Variants in AGMO observed in about 807,000 individuals in gnomAD.
AGMO encodes the protein glyceryl-ether monooxygenase.
AGMO carries 75 observed loss-of-function variants against 60.2 expected under a neutral mutation model. That is an observed-to-expected ratio of 1.25 (90% CI 1.03 to 1.51). The LOEUF is 1.51. Among genes scored for constraint, AGMO ranks in the 40% most tolerant of loss-of-function variants. The probability of loss-of-function intolerance (pLI) is 0.00; values close to 1 mark genes in which losing one functional copy is unlikely to be tolerated. For synonymous variants in AGMO, 261 were observed against 177.1 expected (o/e 1.47, Z -3.76); for missense variants, 763 against 525.5 (o/e 1.45, Z -4.42).
intron 12 of AGMO, among the ~76,000 whole-genome samples, chr7:15,319,657 A>C (rs574561029): frequency 6.6e-6 from 1 of 152,132 alleles, no homozygotes; most frequent in African/African-American, 2.4e-5. Flanking sequence ...TAAACTTTAA[A>C]TTTAATATCC....
At chr7:15,542,740 T>A (rs369159476) in intron 3 of AGMO, among the ~76,000 whole-genome samples, 1 of 152,216 alleles carries the variant, frequency 6.6e-6, no homozygotes. Flanking sequence ...ACCATATTTA[T>A]TCTTAATCAT....
the AGMO span, among the ~76,000 whole-genome samples, chr7:15,127,626 C>T: frequency 6.6e-6 from 1 of 152,006 alleles, no homozygotes; most frequent in South Asian, 2.1e-4. Flanking sequence ...CATCCCATAA[C>T]AAAATTCATA....
chr7:15,135,625 A>G, the AGMO span, among the ~76,000 whole-genome samples: 1 of 152,200 alleles, frequency 6.6e-6, no homozygotes, highest in Non-Finnish European at 1.5e-5. Context: ...ATAAAAACTT[A>G]GGATAAGAAG....
rs575649587 is a variant in AGMO, at chr7:15,234,753, A to C, written c.1264-33394T>G. The stretch of plus-strand genomic sequence containing the variant: ...AAAGAGGAGTTGCTATGTTTCAATA[A>C]AATTTTATGATCACTGAAATTTGAA... On this transcript the variant is annotated intron_variant, in intron 12 of 12. Coordinates refer to ENST00000342526, the MANE Select transcript of AGMO (RefSeq NM_001004320.2). Among the ~76,000 whole-genome samples the C allele has an allele frequency of 2.0e-4, 31 of 152,240 alleles. No individual in the cohort carries two copies. In the South Asian group the frequency reaches 2.9e-3, roughly 14 times the overall value.
intron 5 of AGMO, among the ~76,000 whole-genome samples, chr7:15,407,620 A>G (rs746751966): frequency 2.0e-5 from 3 of 151,878 alleles, no homozygotes; most frequent in Non-Finnish European, 2.9e-5. Context: ...TTTGAAACCC[A>G]TAAGCATCTT....
At chr7:15,164,526 C>A in the AGMO span, among the ~76,000 whole-genome samples, 1 of 151,872 alleles carries the variant, frequency 6.6e-6, no homozygotes, top group Admixed American at 6.6e-5. Flanking sequence ...ACTCAAAAAA[C>A]TCCACAAGAC....
intron 12 of AGMO, among the ~76,000 whole-genome samples, chr7:15,257,788 G>A (rs1783140253): frequency 6.6e-6 from 1 of 152,182 alleles, no homozygotes; most frequent in African/African-American, 2.4e-5. Flanking sequence ...CTATCTAAAT[G>A]AAATCATATG....
chr7:15,459,616 T>TGTGTGTGTGTGTGTGTGTGTGTGTGTGG (rs1410315727), intron 3 of AGMO, among the ~76,000 whole-genome samples: 1 of 151,726 alleles, frequency 6.6e-6, no homozygotes, highest in African/African-American at 2.4e-5. Flanking sequence ...TGTGTGTGTG[T>TGTGTGTGTGTGTGTGTGTGTGTGTGTGG]GTGTGTGTAT....
the AGMO span, among the ~76,000 whole-genome samples, chr7:15,186,177 A>C: frequency 2.6e-5 from 4 of 152,192 alleles, no homozygotes; most frequent in African/African-American, 9.7e-5. Context: ...TTCTGTTGGT[A>C]ATAAGCCACT....
intron 12 of AGMO, among the ~76,000 whole-genome samples, chr7:15,232,093 C>T (rs1782279916): frequency 6.6e-6 from 1 of 152,140 alleles, no homozygotes; most frequent in Non-Finnish European, 1.5e-5. Context: ...TTTTATTTCT[C>T]ATCCTCCCAC....
At chr7:15,262,998 C>T (rs1783320047) in intron 12 of AGMO, among the ~76,000 whole-genome samples, 2 of 152,066 alleles carry the variant, frequency 1.3e-5, no homozygotes, top group African/African-American at 4.8e-5. Flanking sequence ...ATTGTAAAAA[C>T]CCTTCTAGAC....
At chr7:15,224,938 C>G (rs181941701) in intron 12 of AGMO, among the ~76,000 whole-genome samples, 163 of 151,826 alleles carry the variant, frequency 1.1e-3, no homozygotes, top group African/African-American at 3.7e-3. Flanking sequence ...GATAAAAATA[C>G]GCATTTTGAT....
At chr7:15,264,757 T>C (rs1178674246) in intron 12 of AGMO, among the ~76,000 whole-genome samples, 1 of 151,698 alleles carries the variant, frequency 6.6e-6, no homozygotes, top group Admixed American at 6.6e-5. Context: ...TTCAGAATGG[T>C]GGTAATTAAA....
chr7:15,243,060 G>A (rs1361000830), intron 12 of AGMO, among the ~76,000 whole-genome samples: 3 of 151,842 alleles, frequency 2.0e-5, no homozygotes, highest in Non-Finnish European at 4.4e-5. Flanking sequence ...ATTATTTTGT[G>A]TTAATAATTG....
chr7:15,434,808 A>G (rs917703611), intron 3 of AGMO, among the ~76,000 whole-genome samples: 3 of 152,242 alleles, frequency 2.0e-5, no homozygotes, highest in East Asian at 3.9e-4. Context: ...TTAAGCTTGT[A>G]ACTTGTTACA....
At chr7:15,426,261 T>C (rs1225221789) in intron 4 of AGMO, among the ~76,000 whole-genome samples, 1 of 152,222 alleles carries the variant, frequency 6.6e-6, no homozygotes, top group Non-Finnish European at 1.5e-5. Flanking sequence ...TTCATTCATT[T>C]ATGTAACATA....
chr7:15,439,680 G>T (rs918110222), intron 3 of AGMO, among the ~76,000 whole-genome samples: 1 of 152,132 alleles, frequency 6.6e-6, no homozygotes, highest in African/African-American at 2.4e-5. Flanking sequence ...AAAAGCCCAA[G>T]TCTGGCTACT....
chr7:15,559,370 G>A (rs1446604330), intron 2 of AGMO, among the ~76,000 whole-genome samples: 2 of 152,084 alleles, frequency 1.3e-5, no homozygotes, highest in African/African-American at 4.8e-5. Flanking sequence ...AATTCCATGG[G>A]ACTGTAGTGT....
intron 3 of AGMO, among the ~76,000 whole-genome samples, chr7:15,471,735 G>C (rs1165939915): frequency 6.6e-6 from 1 of 151,884 alleles, no homozygotes; most frequent in African/African-American, 2.4e-5. Flanking sequence ...AAGATGACCA[G>C]ATAATGTTTC....
Sources: gnomAD v4.1 joint callset for allele counts (sites outside exome capture counted in the v4.1 genomes callset) on GRCh38, gnomAD v4.1.1 for gene constraint, MANE v1.5 for transcripts, NCBI Gene and HGNC (gene_info 2026-07-23, HGNC 2026-07-21) for gene names.